MACROD1: variants seen among roughly 807,000 people sequenced by gnomAD.
MACROD1 encodes the protein mono-ADP ribosylhydrolase 1, also known as ADP-ribose glycohydrolase MACROD1.
A neutral mutation model predicts 41.4 loss-of-function variants in MACROD1; 31 were observed. The ratio of observed to expected loss-of-function variants is 0.75; its 90% CI spans 0.56 to 1.01. MACROD1 has a LOEUF of 1.01. Ranked by LOEUF, MACROD1 falls within the 50% of genes least tolerant of loss-of-function variation. The pLI is 0.00. For synonymous variants in MACROD1, 252 were observed against 203.4 expected (o/e 1.24, Z -2.03); for missense variants, 473 against 460.0 (o/e 1.03, Z -0.26).
At chr11:64,152,907 G>C (rs1348849313) in intron 1 of MACROD1, among the ~76,000 whole-genome samples, 1 of 152,236 alleles carries the variant, frequency 6.6e-6, no homozygotes, top group Non-Finnish European at 1.5e-5. Flanking sequence ...GCAGGACCAA[G>C]TGGACCTGGC....
At chr11:64,152,061 G>A (rs1208113028) in intron 2 of MACROD1, among the ~76,000 whole-genome samples, 1 of 152,186 alleles carries the variant, frequency 6.6e-6, no homozygotes. Context: ...CCCGGGAGGT[G>A]GAGGTTGCAG....
intron 3 of MACROD1, among the ~76,000 whole-genome samples, chr11:64,051,833 A>C (rs1228487053): frequency 2.0e-5 from 3 of 151,496 alleles, no homozygotes; most frequent in Non-Finnish European, 4.4e-5. Flanking sequence ...CTCAAGGCCT[A>C]GCTGGGATCC....
intron 1 of MACROD1, among the ~76,000 whole-genome samples, chr11:64,162,887 G>A (rs1406166333): frequency 1.3e-5 from 2 of 152,006 alleles, no homozygotes; most frequent in Non-Finnish European, 2.9e-5. Flanking sequence ...CCGGGAGGCC[G>A]AGACGGGCAG....
chr11:64,049,276 C>T (rs569906247), intron 3 of MACROD1, among the ~76,000 whole-genome samples: 4 of 152,190 alleles, frequency 2.6e-5, no homozygotes, highest in South Asian at 2.1e-4. Flanking sequence ...CACAGAGAAG[C>T]GAAAAAGGGA....
At chr11:64,051,816 C>T (rs141544134) in intron 3 of MACROD1, among the ~76,000 whole-genome samples, 130 of 152,186 alleles carry the variant, frequency 8.5e-4, no homozygotes, top group African/African-American at 3.0e-3. Context: ...TGTCCACCCC[C>T]AGGGACCTCA....
At chr11:64,129,814 G>A (rs1436717932) in intron 3 of MACROD1, among the ~76,000 whole-genome samples, 3 of 152,166 alleles carry the variant, frequency 2.0e-5, no homozygotes, top group Non-Finnish European at 2.9e-5. Flanking sequence ...TTTAATACGC[G>A]CCCCAGGGGA....
chr11:64,061,105 G>C (rs1341617867), intron 3 of MACROD1, among the ~76,000 whole-genome samples: 1 of 152,212 alleles, frequency 6.6e-6, no homozygotes, highest in Non-Finnish European at 1.5e-5. Context: ...CGCGCTGGAA[G>C]GACTTTGGTA....
chr11:64,036,667 G>A lies in MACROD1; in HGVS notation c.518-21386C>T, dbSNP rs1255474985. On this transcript the variant is annotated intron_variant, in intron 3 of 10. Coordinates refer to ENST00000255681, the MANE Select transcript of MACROD1 (RefSeq NM_014067.4). The surrounding 1 kb of genome is among the most constrained non-coding windows in gnomAD (Gnocchi z 5.6). ...TGGAGCGAGGTTTTATTTTTAAAAC[G>A]ACTTCAAGGGGGGCATGAGCAGCCT... Among the ~76,000 whole-genome samples, 1 of 152,136 alleles carries A rather than the reference G, an allele frequency of 6.6e-6. No individual in the cohort carries two copies. The highest frequency in any genetic ancestry group is 1.5e-5 in the Non-Finnish European group (1 of 68,000).
At chr11:64,076,571 A>T (rs1025001163) in intron 3 of MACROD1, among the ~76,000 whole-genome samples, 2 of 152,134 alleles carry the variant, frequency 1.3e-5, no homozygotes, top group East Asian at 3.9e-4. Context: ...CGGCCAGAGA[A>T]CTTAGTCATC....
At position 64,041,007 on chromosome 11, in the gene MACROD1, G is replaced by A. The variant is rs933974196; in HGVS notation, c.518-25726C>T. 2.6e-5 allele frequency among the ~76,000 whole-genome samples: 4 copies of A among 152,078 alleles called. No individual in the cohort carries two copies. The South Asian group carries it at 6.2e-4, about 24-fold the overall frequency. On this transcript the variant is annotated intron_variant, in intron 3 of 10. Transcript: ENST00000255681. ...TCTGGCTGGCAGGGAGGCAGTGGCC[G>A]GGCTGGTTGGGGATGGCTTATACTT...
intron 3 of MACROD1, among the ~76,000 whole-genome samples, chr11:64,094,022 C>A (rs1370418287): frequency 1.3e-5 from 2 of 152,200 alleles, no homozygotes; most frequent in Non-Finnish European, 2.9e-5. Flanking sequence ...CAGGGCCGGG[C>A]GCAGTGGCTT....
At chr11:64,050,531 CA>C (rs1047449757) in intron 3 of MACROD1, among the ~76,000 whole-genome samples, 1 of 152,176 alleles carries the variant, frequency 6.6e-6, no homozygotes, top group Non-Finnish European at 1.5e-5. Context: ...CTTCTGTTCC[CA>C]AGGGTCACCT....
chr11:64,102,902 A>C (rs184601454), intron 3 of MACROD1, among the ~76,000 whole-genome samples: 9 of 152,068 alleles, frequency 5.9e-5, no homozygotes, highest in African/African-American at 2.2e-4. Flanking sequence ...CCCCATCTCT[A>C]CTAAAATTAA....
chr11:64,092,541 G>A (rs1002149458), intron 3 of MACROD1, among the ~76,000 whole-genome samples: 8 of 152,234 alleles, frequency 5.3e-5, no homozygotes, highest in African/African-American at 1.7e-4. Flanking sequence ...CAGAGACCGC[G>A]TGTGGTCATG....
chr11:64,050,799 A>G (rs1452364951), intron 3 of MACROD1, among the ~76,000 whole-genome samples: 1 of 152,120 alleles, frequency 6.6e-6, no homozygotes, highest in African/African-American at 2.4e-5. Context: ...TTGTATTTCT[A>G]GTTGAGATGG....
At chr11:64,009,153 A>T (rs1484454119) in intron 4 of MACROD1, 1 of 152,160 alleles carries the variant, frequency 6.6e-6, no homozygotes, top group African/African-American at 2.4e-5. Context: ...CCTAATAAAC[A>T]GGAGAGACAC....
At chr11:64,078,097 C>T (rs562921403) in intron 3 of MACROD1, among the ~76,000 whole-genome samples, 1 of 152,322 alleles carries the variant, frequency 6.6e-6, no homozygotes, top group East Asian at 1.9e-4. Flanking sequence ...CACTGCCCTG[C>T]GCACCTGCCG....
At chr11:64,009,879 CAGCCCCATCTTCTG>C (rs1451344366) in intron 4 of MACROD1, among the ~76,000 whole-genome samples, 1 of 152,290 alleles carries the variant, frequency 6.6e-6, no homozygotes, top group African/African-American at 2.4e-5. Context: ...AGGCCAGTCC[CAGCCCCATCTTCTG>C]AGCCCCAGTT....
chr11:64,107,818 G>C (rs1944790075), intron 3 of MACROD1, among the ~76,000 whole-genome samples: 1 of 152,164 alleles, frequency 6.6e-6, no homozygotes, highest in Non-Finnish European at 1.5e-5. Context: ...TGGGCCTGCA[G>C]TCCCTGGGGC....
Sources: gnomAD v4.1 joint callset for allele counts (sites outside exome capture counted in the v4.1 genomes callset) on GRCh38, gnomAD v4.1.1 for gene constraint, Gnocchi (gnomAD v3.1) non-coding constraint, MANE v1.5 for transcripts, NCBI Gene and HGNC (gene_info 2026-07-23, HGNC 2026-07-21) for gene names.